Variants in DLG5 observed in about 807,000 individuals in gnomAD.
DLG5 encodes disks large homolog 5.
Under a neutral mutation model 189.8 loss-of-function variants are expected in DLG5, and 48 were observed. The ratio of observed to expected loss-of-function variants is 0.25; its 90% CI spans 0.20 to 0.32. DLG5 has a LOEUF of 0.32. Among genes scored for constraint, DLG5 ranks in the 10% least tolerant of loss-of-function variants. DLG5 has a pLI of 1.00. For missense variants in DLG5, 2,160 were observed against 2,544.7 expected, an observed-to-expected ratio of 0.85 and a Z score of 3.25; for synonymous variants, 1,016 against 1,054.1, an observed-to-expected ratio of 0.96 and a Z score of 0.70.
chr10:77,857,931 GTCT>G (rs1238575182), intron 2 of DLG5, among the ~76,000 whole-genome samples: 1 of 152,154 alleles, frequency 6.6e-6, no homozygotes, highest in Admixed American at 6.5e-5. Flanking sequence ...GACATGATAG[GTCT>G]TCTGATTCTC....
In DLG5 at chr10:77,809,624, C is replaced by A; in HGVS notation, c.4570G>T (p.Val1524Leu). 2 of 1,614,230 alleles carry A rather than the reference C, an allele frequency of 1.2e-6. No homozygotes were observed. The highest frequency in any genetic ancestry group is 1.7e-6 in the Non-Finnish European group (2 of 1,180,044). ...TCATCCTCCACCTCGGCCACAAACA[C>A]CCCATGCAGGTTCCCACCACACAAG... The part of the protein sequence containing the change: ...VHLCGGNLHG[V>L]FVAEVEDDSP... The change falls in exon 24 of 32, where the codon GTG becomes TTG. Residue 1524 changes from valine (V) to leucine (L), a missense_variant. Physicochemically the swap from Val to Leu is conservative, Grantham distance 32. Transcript: ENST00000372391.
chr10:77,874,590 T>C (rs1845027171), intron 1 of DLG5, among the ~76,000 whole-genome samples: 1 of 152,150 alleles, frequency 6.6e-6, no homozygotes, highest in African/African-American at 2.4e-5. Flanking sequence ...GTATATAAGG[T>C]GTATATGAAA....
intron 30 of DLG5, 57 bp downstream of exon 30, chr10:77,794,792 G>T (rs1840823677): frequency 6.9e-7 from 1 of 1,456,526 alleles, no homozygotes; most frequent in Non-Finnish European, 9.6e-7. Flanking sequence ...CCCTACTTGG[G>T]CTCCCAGCCC....
chr10:77,803,886 ATTTTTTT>A (rs71030905), intron 27 of DLG5, among the ~76,000 whole-genome samples: 2 of 129,412 alleles, frequency 1.5e-5, no homozygotes, highest in South Asian at 2.5e-4. Flanking sequence ...ACAGGTTGGC[ATTTTTTT>A]TTTTTTTTTT....
chr10:77,808,052 T>A, intron 24 of DLG5, 108 bp from the exon 25 acceptor site: 1 of 1,330,462 alleles, frequency 7.5e-7, no homozygotes, highest in Non-Finnish European at 1.0e-6. Flanking sequence ...CATCCCTCCT[T>A]AACTGAGACT....
At chr10:77,925,246 A>G (rs1378184345) in intron 1 of DLG5, among the ~76,000 whole-genome samples, 1 of 152,188 alleles carries the variant, frequency 6.6e-6, no homozygotes, top group Non-Finnish European at 1.5e-5. Flanking sequence ...AATAACAGAA[A>G]GCTCACATAG....
intron 1 of DLG5, among the ~76,000 whole-genome samples, chr10:77,910,911 G>A (rs570207336): frequency 6.7e-6 from 1 of 150,264 alleles, no homozygotes; most frequent in Non-Finnish European, 1.5e-5. Context: ...GTCAGAGGTT[G>A]CAGTGAGCTG....
chr10:77,870,351 T>C (rs893323271), intron 1 of DLG5, among the ~76,000 whole-genome samples: 2 of 152,076 alleles, frequency 1.3e-5, no homozygotes, highest in African/African-American at 4.8e-5. Context: ...ACTAATGAGA[T>C]CCTGGGCTCC....
At position 77,824,433 on chromosome 10, in the gene DLG5, T is replaced by C. The variant is rs1344202318; in HGVS notation, c.2333A>G (p.Glu778Gly). The part of the protein sequence containing the change: ...ALDNKSLNEC[E>G]SLLRSCQDSL... ...GTCCTGGCAGCTGCGCAGCAGAGAT[T>C]CACATTCATTCAGAGACTTGTTGTC... Residue 778 changes from glutamate to glycine, a missense_variant, in exon 14 of 32, where the codon GAA (glutamate) becomes GGA (glycine). Glu to Gly is a moderately conservative substitution (Grantham distance 98). This residue lies in a region of DLG5 where 107 missense variants were observed against 214.5 expected (regional missense o/e 0.50). Transcript: ENST00000372391. 1 of 1,614,058 alleles carries C rather than the reference T, an allele frequency of 6.2e-7. No individual in the cohort carries two copies. Among genetic ancestry groups the C allele is most frequent in the South Asian group, 1.1e-5 (1 of 91,076 alleles).
At chr10:77,793,899 G>T in intron 31 of DLG5, 109 bp downstream of exon 31, 1 of 942,492 alleles carries the variant, frequency 1.1e-6, no homozygotes, top group Non-Finnish European at 1.7e-6. Context: ...GACAGCACTT[G>T]GGAGCATGTA....
intron 26 of DLG5, chr10:77,806,076 A>C: frequency 2.0e-6 from 1 of 500,438 alleles, no homozygotes; most frequent in South Asian, 4.0e-5. Flanking sequence ...GCAAGCTCTC[A>C]GAGCAGGCGA....
intron 7 of DLG5, among the ~76,000 whole-genome samples, chr10:77,837,633 AGAG>A (rs1167814883): frequency 6.6e-6 from 1 of 152,260 alleles, no homozygotes; most frequent in Non-Finnish European, 1.5e-5. Context: ...TTGGAAGCCC[AGAG>A]GACCCAAGTG....
chr10:77,911,009 A>G (rs1016362188), intron 1 of DLG5, among the ~76,000 whole-genome samples: 2 of 147,724 alleles, frequency 1.4e-5, no homozygotes, highest in African/African-American at 2.5e-5. Flanking sequence ...AAAAAAAAAA[A>G]CATAAACAGG....
intron 12 of DLG5, 142 bp from the exon 13 acceptor site, chr10:77,829,127 TC>T: frequency 9.6e-7 from 1 of 1,039,712 alleles, no homozygotes; most frequent in Non-Finnish European, 1.4e-6. Context: ...CCTGCCCCAG[TC>T]CCACCAATCG....
chr10:77,854,852 G>A (rs1036812137), intron 3 of DLG5, among the ~76,000 whole-genome samples: 1 of 152,050 alleles, frequency 6.6e-6, no homozygotes, highest in Non-Finnish European at 1.5e-5. Flanking sequence ...AGCCTGGTGT[G>A]GTGGCATGTG....
At chr10:77,823,851 C>T (rs934126338) in intron 14 of DLG5, among the ~76,000 whole-genome samples, 1 of 151,294 alleles carries the variant, frequency 6.6e-6, no homozygotes, top group African/African-American at 2.4e-5. Context: ...GAGATAGGGT[C>T]TCACTTTGTC....
chr10:77,932,565 G>A, the DLG5 span, among the ~76,000 whole-genome samples: 51 of 152,292 alleles, frequency 3.3e-4, 1 homozygote, highest in African/African-American at 1.2e-3. Context: ...TTGGAAGGCC[G>A]AGGCAGGATT....
chr10:77,867,007 C>T (rs1844707810), intron 2 of DLG5: 1 of 457,254 alleles, frequency 2.2e-6, no homozygotes, highest in South Asian at 1.5e-5. Flanking sequence ...CATCCTGCTC[C>T]AAGAAACACA....
intron 19 of DLG5, 22 bp downstream of exon 19, chr10:77,816,985 G>A (rs201032738): frequency 8.7e-6 from 14 of 1,610,086 alleles, no homozygotes; most frequent in Middle Eastern, 1.8e-4. Context: ...CAGGAGAGAT[G>A]GGAATGTCGA....
Sources: gnomAD v4.1 joint callset for allele counts (sites outside exome capture counted in the v4.1 genomes callset) on GRCh38, gnomAD v4.1.1 for gene constraint, gnomAD v4.1.1 regional missense constraint, MANE v1.5 for transcripts, NCBI Gene and HGNC (gene_info 2026-07-23, HGNC 2026-07-21) for gene names.